The following PRKAR1A variants were observed in gnomAD, a reference collection of about 807,000 sequenced individuals.
PRKAR1A encodes the protein protein kinase cAMP-dependent type I regulatory subunit alpha, also known as cAMP-dependent protein kinase type I-alpha regulatory subunit.
A neutral mutation model predicts 52.0 loss-of-function variants in PRKAR1A; 3 were observed. The observed-to-expected ratio is 0.06, with a 90% CI of 0.03 to 0.15. PRKAR1A has a LOEUF of 0.15. Ranked by LOEUF, PRKAR1A falls within the 10% of genes least tolerant of loss-of-function variation. PRKAR1A has a pLI of 1.00. For missense variants in PRKAR1A, 240 were observed against 477.4 expected, an observed-to-expected ratio of 0.50 and a Z score of 4.63; for synonymous variants, 188 against 168.4, an observed-to-expected ratio of 1.12 and a Z score of -0.90.
At chr17:68,418,137 G>A in the PRKAR1A span, among the ~76,000 whole-genome samples, 2 of 152,090 alleles carry the variant, frequency 1.3e-5, no homozygotes, top group South Asian at 2.1e-4. Flanking sequence ...CTATTTAGTC[G>A]TCCTTAAAAA....
chr17:68,525,062 T>G, intron 6 of PRKAR1A, 104 bp downstream of exon 6: 1 of 905,870 alleles, frequency 1.1e-6, no homozygotes, highest in Non-Finnish European at 1.8e-6. Flanking sequence ...ACATCCCTTG[T>G]ATGTCAGATT....
the PRKAR1A span, among the ~76,000 whole-genome samples, chr17:68,418,967 T>G: frequency 6.6e-6 from 1 of 151,498 alleles, no homozygotes; most frequent in African/African-American, 2.4e-5. Flanking sequence ...TATTTAATTA[T>G]GTCATATTTA....
chr17:68,442,228 C>T, the PRKAR1A span, among the ~76,000 whole-genome samples: 2 of 152,090 alleles, frequency 1.3e-5, no homozygotes, highest in Non-Finnish European at 2.9e-5. Flanking sequence ...CTTTGGGAGG[C>T]CAAGGCGGGC....
the PRKAR1A span, among the ~76,000 whole-genome samples, chr17:68,422,979 C>T: frequency 1.3e-3 from 201 of 152,230 alleles, no homozygotes; most frequent in Non-Finnish European, 2.1e-3. Context: ...CAAGCGTGAT[C>T]CTACGCAGGG....
At chr17:68,426,251 G>GGGGGA in the PRKAR1A span, 1 of 825,460 alleles carries the variant, frequency 1.2e-6, no homozygotes, top group Non-Finnish European at 1.9e-6. Context: ...GTGGGGAGCG[G>GGGGGA]GGGCTCAAAT....
At chr17:68,514,852 T>A (rs961989399) in intron 1 of PRKAR1A, 1 of 153,150 alleles carries the variant, frequency 6.5e-6, no homozygotes, top group Non-Finnish European at 1.5e-5. Flanking sequence ...AAAATTTTGA[T>A]TATGCTAGTA....
the PRKAR1A span, among the ~76,000 whole-genome samples, chr17:68,423,234 G>A: frequency 1.3e-5 from 2 of 151,972 alleles, no homozygotes; most frequent in African/African-American, 2.4e-5. This position sits in a 1 kb window ranked among gnomAD's most constrained non-coding sequence, Gnocchi z 4.4. Flanking sequence ...TCAGAATAAG[G>A]AGACAGAGAG....
the PRKAR1A span, among the ~76,000 whole-genome samples, chr17:68,499,471 G>A: frequency 2.0e-5 from 3 of 152,150 alleles, no homozygotes; most frequent in African/African-American, 7.2e-5. Flanking sequence ...GAAATTGGGT[G>A]CTGATTTGCA....
At chr17:68,417,626 C>T in the PRKAR1A span, among the ~76,000 whole-genome samples, 1 of 149,558 alleles carries the variant, frequency 6.7e-6, no homozygotes, top group Admixed American at 6.7e-5. Context: ...GGTTTCTGCT[C>T]TGTTAAGTTG....
chr17:68,535,037 A>G, downstream of PRKAR1A: 1 of 323,430 alleles, frequency 3.1e-6, no homozygotes, highest in South Asian at 2.6e-5. Flanking sequence ...GCTAAAACGA[A>G]TTCTTCCAAA....
At chr17:68,526,523 C>T (rs2085796079) in intron 7 of PRKAR1A, among the ~76,000 whole-genome samples, 1 of 152,126 alleles carries the variant, frequency 6.6e-6, no homozygotes, top group Admixed American at 6.5e-5. Context: ...GTCCATCTGA[C>T]CATTTGAAAA....
the PRKAR1A span, among the ~76,000 whole-genome samples, chr17:68,502,184 C>T: frequency 4.6e-5 from 7 of 152,036 alleles, no homozygotes; most frequent in Non-Finnish European, 1.0e-4. Context: ...ATAAAGTGTG[C>T]ACTTGGTCAC....
chr17:68,466,389 G>C, the PRKAR1A span, among the ~76,000 whole-genome samples: 1 of 141,672 alleles, frequency 7.1e-6, no homozygotes, highest in Non-Finnish European at 1.5e-5. Context: ...GTATTGAAAT[G>C]TTATTTATGT....
intron 1 of PRKAR1A, chr17:68,512,958 C>T: frequency 6.6e-6 from 1 of 152,510 alleles, no homozygotes; most frequent in East Asian, 1.9e-4. Flanking sequence ...GTCCGCCGGT[C>T]CTGGCTCTTC....
chr17:68,489,341 ATATATATATATATATATGGAAAG>A, the PRKAR1A span, among the ~76,000 whole-genome samples: 3 of 14,588 alleles, frequency 2.1e-4, no homozygotes, highest in African/African-American at 1.1e-3. Context: ...TATGGAAAGT[ATATATATATATATATATGGAAAG>A]TATATATATA....
At chr17:68,518,488 G>A (rs1003102321) in intron 2 of PRKAR1A, among the ~76,000 whole-genome samples, 1 of 152,260 alleles carries the variant, frequency 6.6e-6, no homozygotes, top group Admixed American at 6.5e-5. Context: ...AGGGCTTGGG[G>A]CTTGCACTCT....
At chr17:68,471,640 G>C in the PRKAR1A span, among the ~76,000 whole-genome samples, 3 of 152,114 alleles carry the variant, frequency 2.0e-5, no homozygotes, top group Non-Finnish European at 2.9e-5. Flanking sequence ...TACTGGGAGA[G>C]GGGGGAGGTC....
chr17:68,447,984 CAAAAAA>C, the PRKAR1A span, among the ~76,000 whole-genome samples: 1 of 80,284 alleles, frequency 1.2e-5, no homozygotes. Flanking sequence ...GACTCTATCT[CAAAAAA>C]AAAAAAAAAA....
chr17:68,512,570 C>G (rs976969590), intron 1 of PRKAR1A, 22 bp downstream of exon 1: 3 of 153,154 alleles, frequency 2.0e-5, no homozygotes, highest in African/African-American at 7.2e-5. Flanking sequence ...CGGCCGGGGG[C>G]TCAGGCGAGG....
Sources: gnomAD v4.1 joint callset for allele counts (sites outside exome capture counted in the v4.1 genomes callset) on GRCh38, gnomAD v4.1.1 for gene constraint, Gnocchi (gnomAD v3.1) non-coding constraint, MANE v1.5 for transcripts, NCBI Gene and HGNC (gene_info 2026-07-23, HGNC 2026-07-21) for gene names.